The following GPC6 variants were observed in gnomAD, a reference collection of about 807,000 sequenced individuals.
The protein encoded by GPC6 is glypican 6.
GPC6 carries 14 observed loss-of-function variants against 55.2 expected under a neutral mutation model. That is an observed-to-expected ratio of 0.25 (90% CI 0.17 to 0.40). The LOEUF (loss-of-function observed/expected upper bound fraction) is 0.40. GPC6 is among the 10% of genes least tolerant of loss of function. GPC6 has a pLI of 1.00. For missense variants in GPC6, 641 were observed against 708.5 expected, an observed-to-expected ratio of 0.90 and a Z score of 1.08; for synonymous variants, 278 against 259.6, an observed-to-expected ratio of 1.07 and a Z score of -0.68.
intron 6 of GPC6, among the ~76,000 whole-genome samples, chr13:94,337,567 C>T (rs1434452457): frequency 2.0e-5 from 3 of 151,560 alleles, no homozygotes; most frequent in African/African-American, 7.3e-5. Context: ...CCTGCCTCAG[C>T]CTCCCAAGTA....
chr13:93,481,896 G>A (rs539619199), intron 1 of GPC6, among the ~76,000 whole-genome samples: 55 of 152,104 alleles, frequency 3.6e-4, no homozygotes, highest in South Asian at 2.1e-4. Context: ...TACTATTTGC[G>A]TTCCCTTGCA....
chr13:94,143,029 G>T (rs1220077276), intron 4 of GPC6, among the ~76,000 whole-genome samples: 2 of 151,806 alleles, frequency 1.3e-5, no homozygotes, highest in Non-Finnish European at 2.9e-5. Context: ...GGTTCACCAT[G>T]TTGGTCAAGA....
At chr13:93,822,860 T>TATC in intron 2 of GPC6, among the ~76,000 whole-genome samples, 1 of 148,700 alleles carries the variant, frequency 6.7e-6, no homozygotes, top group African/African-American at 2.5e-5. Flanking sequence ...ATTATTTTAT[T>TATC]ATTATTATTA....
At chr13:94,335,829 C>CCAT (rs35318580) in intron 6 of GPC6, among the ~76,000 whole-genome samples, 20,954 of 151,992 alleles carry the variant, frequency 0.14, 1,716 homozygotes, top group East Asian at 0.34. Flanking sequence ...AAAATCAGCA[C>CCAT]CATCTGTTAA....
chr13:93,765,308 T>TTCCAGATAAGCTTTCTGGAAAG, intron 2 of GPC6, among the ~76,000 whole-genome samples: 1 of 148,686 alleles, frequency 6.7e-6, no homozygotes, highest in African/African-American at 2.5e-5. Context: ...AAAGACAACT[T>TTCCAGATAAGCTTTCTGGAAAG]ATTTGGTTTA....
At chr13:94,059,723 A>G (rs923070686) in intron 4 of GPC6, among the ~76,000 whole-genome samples, 9 of 151,508 alleles carry the variant, frequency 5.9e-5, no homozygotes, top group African/African-American at 1.7e-4. Context: ...AAAGATGGAC[A>G]TCTTTTTGCT....
intron 2 of GPC6, among the ~76,000 whole-genome samples, chr13:93,775,682 G>A (rs1042365454): frequency 6.6e-6 from 1 of 152,160 alleles, no homozygotes; most frequent in Non-Finnish European, 1.5e-5. Flanking sequence ...TTTTCAAATT[G>A]TCAATTTCTG....
chr13:94,004,541 C>T (rs907387714), intron 3 of GPC6, among the ~76,000 whole-genome samples: 7 of 152,132 alleles, frequency 4.6e-5, no homozygotes, highest in African/African-American at 1.7e-4. Context: ...TATTAAAGAA[C>T]ACAAACCTTA....
At chr13:93,895,234 GTATATATATATATATATATATATATA>G (rs60375718) in intron 3 of GPC6, among the ~76,000 whole-genome samples, 25 of 108,208 alleles carry the variant, frequency 2.3e-4, no homozygotes, top group East Asian at 2.6e-4. Context: ...GTGTGTGTGT[GTATATATATATATATATATATATATA>G]TATATATATA....
chr13:93,491,923 G>A (rs1051274760), intron 1 of GPC6, among the ~76,000 whole-genome samples: 7 of 108,150 alleles, frequency 6.5e-5, no homozygotes, highest in African/African-American at 2.4e-4. Flanking sequence ...GGTTACTGTA[G>A]CCTTGTAGTA....
intron 1 of GPC6, among the ~76,000 whole-genome samples, chr13:93,231,383 A>G (rs555060567): frequency 0.02 from 388 of 19,204 alleles, 8 homozygotes; most frequent in African/African-American, 0.072. Context: ...ATATATACAT[A>G]TATATATATA....
chr13:94,268,567 A>G (rs1010245228), intron 4 of GPC6, among the ~76,000 whole-genome samples: 2 of 152,212 alleles, frequency 1.3e-5, no homozygotes, highest in African/African-American at 4.8e-5. Flanking sequence ...AGGTGAGGAC[A>G]CAGATAGGAA....
chr13:93,944,915 G>T (rs1160166026), intron 3 of GPC6, among the ~76,000 whole-genome samples: 3 of 152,248 alleles, frequency 2.0e-5, no homozygotes, highest in South Asian at 4.1e-4. Flanking sequence ...GTGTGTTGGG[G>T]TGGGGAGGGG....
intron 3 of GPC6, among the ~76,000 whole-genome samples, chr13:93,977,467 G>GGTGTGTGTGT (rs4001797): frequency 6.6e-5 from 9 of 137,284 alleles, no homozygotes; most frequent in Non-Finnish European, 1.1e-4. Flanking sequence ...GATGACAAGG[G>GGTGTGTGTGT]GTGTGTGTGT....
intron 4 of GPC6, among the ~76,000 whole-genome samples, chr13:94,085,935 C>T (rs1427669033): frequency 1.3e-5 from 2 of 152,142 alleles, no homozygotes; most frequent in Non-Finnish European, 2.9e-5. Context: ...TCAACTTACT[C>T]CTTAACTCTC....
intron 6 of GPC6, among the ~76,000 whole-genome samples, chr13:94,334,720 A>G (rs1478924040): frequency 1.3e-5 from 2 of 152,172 alleles, no homozygotes; most frequent in Non-Finnish European, 2.9e-5. Flanking sequence ...CCTAGAAAAT[A>G]AGGATTCAGC....
At chr13:93,632,299 G>A (rs1169965486) in intron 2 of GPC6, among the ~76,000 whole-genome samples, 2 of 151,954 alleles carry the variant, frequency 1.3e-5, no homozygotes, top group East Asian at 1.9e-4. Context: ...AACTATTAAC[G>A]GTAATGAAAT....
chr13:94,324,825 C>T (rs1877029792), intron 6 of GPC6, among the ~76,000 whole-genome samples: 1 of 151,928 alleles, frequency 6.6e-6, no homozygotes, highest in African/African-American at 2.4e-5. Flanking sequence ...TCACCAAATA[C>T]TAATAAGGAT....
At chr13:94,152,792 A>T (rs557431611) in intron 4 of GPC6, among the ~76,000 whole-genome samples, 1 of 152,126 alleles carries the variant, frequency 6.6e-6, no homozygotes, top group African/African-American at 2.4e-5. Flanking sequence ...TTATGCTCCC[A>T]TAAATAATTT....
Sources: gnomAD v4.1 joint callset for allele counts (sites outside exome capture counted in the v4.1 genomes callset) on GRCh38, gnomAD v4.1.1 for gene constraint, MANE v1.5 for transcripts, NCBI Gene and HGNC (gene_info 2026-07-23, HGNC 2026-07-21) for gene names.